The following ZNF18 variants were observed in gnomAD, a reference collection of about 807,000 sequenced individuals.
ZNF18 encodes the protein zinc finger protein 18, also known as heart development-specific gene 1 protein.
In ZNF18, 42 loss-of-function variants were observed where a neutral mutation model predicts 58.1. The ratio of observed to expected loss-of-function variants is 0.72; its 90% CI spans 0.56 to 0.93. The LOEUF (loss-of-function observed/expected upper bound fraction) is 0.93. Among genes scored for constraint, ZNF18 ranks in the 40% least tolerant of loss-of-function variants. The pLI is 0.00. For synonymous variants in ZNF18, 231 were observed against 239.8 expected, an observed-to-expected ratio of 0.96 and a Z score of 0.34; for missense variants, 540 against 644.2, an observed-to-expected ratio of 0.84 and a Z score of 1.75.
At chr17:12,003,605 A>G in the ZNF18 span, among the ~76,000 whole-genome samples, 4 of 152,356 alleles carry the variant, frequency 2.6e-5, no homozygotes, top group East Asian at 7.7e-4. Context: ...TCTCTCACCA[A>G]ATGAAATTTT....
chr17:11,989,115 C>T (rs1247983818), intron 4 of ZNF18, among the ~76,000 whole-genome samples: 9 of 151,086 alleles, frequency 6.0e-5, no homozygotes, highest in Non-Finnish European at 1.0e-4. Flanking sequence ...GCTGAGATCG[C>T]GCCACTGCAC....
At chr17:11,981,500 A>G (rs867079827) in intron 6 of ZNF18, among the ~76,000 whole-genome samples, 33 of 106,054 alleles carry the variant, frequency 3.1e-4, no homozygotes, top group African/African-American at 1.2e-3. Flanking sequence ...TTTTTTTTGC[A>G]TTTTTTGTAG....
chr17:11,991,875 G>C (rs1480776401), intron 2 of ZNF18, among the ~76,000 whole-genome samples: 1 of 152,154 alleles, frequency 6.6e-6, no homozygotes, highest in Non-Finnish European at 1.5e-5. Flanking sequence ...ACTGTATCAA[G>C]TGTGCCAAAG....
chr17:11,984,058 C>G, intron 5 of ZNF18, 55 bp downstream of exon 5: 1 of 1,507,258 alleles, frequency 6.6e-7, no homozygotes, highest in Middle Eastern at 2.0e-4. Context: ...TGGAAAATGC[C>G]TCACAGTTTT....
chr17:11,996,736 C>G (rs1461897578), intron 1 of ZNF18: 1 of 152,132 alleles, frequency 6.6e-6, no homozygotes, highest in African/African-American at 2.4e-5. Context: ...ATATAAGTAA[C>G]CATTTGTTAA....
intron 4 of ZNF18, among the ~76,000 whole-genome samples, chr17:11,986,474 G>A (rs569449405): frequency 1.3e-5 from 2 of 152,268 alleles, no homozygotes; most frequent in Admixed American, 1.3e-4. Context: ...GGACTTTTTT[G>A]GGTGGGAAGG....
At position 11,978,309 on chromosome 17, in the gene ZNF18, T is replaced by G; in HGVS notation, c.1298A>C (p.Glu433Ala). The change falls in exon 7 of 7, where the codon GAG (glutamate) becomes GCG (alanine). Residue 433 changes from glutamate to alanine, a missense_variant. Transcript: ENST00000580306. The part of the protein sequence containing the change: ...LIFHQRTHTG[E>A]TYFQCTICKK... ...GCAGATGGTGCACTGAAAGTATGTC[T>G]CTCCGGTGTGAGTTCTTTGGTGAAA... 2 of 1,600,746 alleles carry G rather than the reference T, an allele frequency of 1.2e-6. No individual in the cohort carries two copies. The highest frequency in any genetic ancestry group is 1.7e-6 in the Non-Finnish European group (2 of 1,174,822).
chr17:12,000,716 G>C (rs1033857461), upstream of ZNF18, among the ~76,000 whole-genome samples: 1 of 152,034 alleles, frequency 6.6e-6, no homozygotes, highest in Non-Finnish European at 1.5e-5. Flanking sequence ...AACTCTGTCA[G>C]AAAGAAAGAA....
chr17:11,991,930 G>A (rs568330592), intron 2 of ZNF18, among the ~76,000 whole-genome samples: 1 of 152,174 alleles, frequency 6.6e-6, no homozygotes, highest in Admixed American at 6.5e-5. Flanking sequence ...GGTTCAGGAA[G>A]CTTCCAGGTT....
intron 6 of ZNF18, among the ~76,000 whole-genome samples, chr17:11,979,303 T>C (rs1161420634): frequency 6.6e-6 from 1 of 152,236 alleles, no homozygotes; most frequent in Non-Finnish European, 1.5e-5. Flanking sequence ...ATATTGTACA[T>C]ATAGTTCTAT....
chr17:11,990,872 G>A (rs1194035981), intron 3 of ZNF18, 102 bp downstream of exon 3: 6 of 1,317,834 alleles, frequency 4.6e-6, no homozygotes, highest in African/African-American at 1.5e-5. Flanking sequence ...AAACCTCTCA[G>A]GGATACGCCA....
chr17:11,979,032 T>A (rs895260453), intron 6 of ZNF18, among the ~76,000 whole-genome samples: 5 of 151,556 alleles, frequency 3.3e-5, no homozygotes, highest in African/African-American at 1.2e-4. Flanking sequence ...GCCACATGTA[T>A]TTCTTAAGGA....
At chr17:12,002,025 G>C (rs1376382416), upstream of ZNF18, among the ~76,000 whole-genome samples, 1 of 152,050 alleles carries the variant, frequency 6.6e-6, no homozygotes, top group African/African-American at 2.4e-5. Context: ...AAAAAAAGAA[G>C]AAAGAAAGAA....
the ZNF18 span, among the ~76,000 whole-genome samples, chr17:12,018,760 G>T: frequency 7.9e-5 from 12 of 152,128 alleles, no homozygotes; most frequent in Admixed American, 3.9e-4. Flanking sequence ...TCTAATTATT[G>T]GCTCTTACTA....
At chr17:11,984,825 T>G (rs1967632849) in intron 4 of ZNF18, among the ~76,000 whole-genome samples, 1 of 152,148 alleles carries the variant, frequency 6.6e-6, no homozygotes, top group Non-Finnish European at 1.5e-5. Context: ...TTGTTTTTTG[T>G]TTTTGTTTTT....
At chr17:12,014,840 G>A in the ZNF18 span, among the ~76,000 whole-genome samples, 1 of 152,170 alleles carries the variant, frequency 6.6e-6, no homozygotes, top group Non-Finnish European at 1.5e-5. Flanking sequence ...CACAAAGTCA[G>A]GAGATCGAGA....
In ZNF18 at chr17:11,992,750, T is replaced by C. The variant is rs773214642; in HGVS notation, c.80A>G (p.Asp27Gly). 29 of 1,614,072 alleles carry C rather than the reference T, an allele frequency of 1.8e-5. No individual in the cohort carries two copies. The highest frequency in any genetic ancestry group is 1.6e-4 in the Middle Eastern group (1 of 6,080). The change falls in exon 2 of 7, where the codon GAT becomes GGT. Residue 27 changes from aspartate (D) to glycine (G), a missense_variant. Asp to Gly is a moderately conservative substitution (Grantham distance 94). Coordinates refer to ENST00000580306, the MANE Select transcript of ZNF18 (RefSeq NM_001303281.2). ...KAEDSQFSES[D>G]AALQEELSSP... ...GGAGAGTTCCTCTTGAAGGGCAGCATCTGATTCTGAGAACTGGGAGTCCTC... is the reference window on the plus strand; with the variant it reads ...GGAGAGTTCCTCTTGAAGGGCAGCACCTGATTCTGAGAACTGGGAGTCCTC...
the ZNF18 span, among the ~76,000 whole-genome samples, chr17:12,012,720 G>C: frequency 6.6e-6 from 1 of 152,208 alleles, no homozygotes; most frequent in East Asian, 1.9e-4. Flanking sequence ...CTGTGGCCCA[G>C]ACTGGAGTGC....
intron 6 of ZNF18, among the ~76,000 whole-genome samples, chr17:11,982,657 A>AGTGTGTGTGTGTGTGTGTGTGTGT (rs143602913): frequency 7.3e-6 from 1 of 136,720 alleles, no homozygotes; most frequent in African/African-American, 2.7e-5. Context: ...TATATATAAA[A>AGTGTGTGTGTGTGTGTGTGTGTGT]GTGTGTGTGT....
Sources: gnomAD v4.1 joint callset for allele counts (sites outside exome capture counted in the v4.1 genomes callset) on GRCh38, gnomAD v4.1.1 for gene constraint, MANE v1.5 for transcripts, NCBI Gene and HGNC (gene_info 2026-07-23, HGNC 2026-07-21) for gene names.